PRKCQ: variants seen among roughly 807,000 people sequenced by gnomAD.
PRKCQ encodes protein kinase C theta type.
A neutral mutation model predicts 91.2 loss-of-function variants in PRKCQ; 41 were observed. The ratio of observed to expected loss-of-function variants is 0.45; its 90% CI spans 0.35 to 0.58. The LOEUF is 0.58. Among genes scored for constraint, PRKCQ ranks in the 20% least tolerant of loss-of-function variants. PRKCQ has a pLI of 0.00. For synonymous variants in PRKCQ, 307 were observed against 316.9 expected (o/e 0.97, Z 0.33); for missense variants, 673 against 896.5 (o/e 0.75, Z 3.18).
intron 1 of PRKCQ, among the ~76,000 whole-genome samples, chr10:6,572,164 G>C (rs1390967482): frequency 6.6e-6 from 1 of 152,152 alleles, no homozygotes; most frequent in Non-Finnish European, 1.5e-5. Context: ...GAGCTCATCT[G>C]ATTCTATGAC....
At chr10:6,533,444 G>A (rs1299648477) in intron 1 of PRKCQ, among the ~76,000 whole-genome samples, 6 of 152,160 alleles carry the variant, frequency 3.9e-5, no homozygotes, top group African/African-American at 1.4e-4. Flanking sequence ...TGATCCACCC[G>A]CCTCAGCCTC....
rs142671728 is a variant in PRKCQ, at chr10:6,519,819, A to C, written c.-9-4675T>G. On this transcript the variant is annotated intron_variant, in intron 1 of 17. Transcript: ENST00000263125. The stretch of plus-strand genomic sequence containing the variant: ...TAACTCCCCTCATAAATATGTATAG[A>C]TTTTTCCCCAAAGCTTTCTGAATAT... Among the ~76,000 whole-genome samples the C allele has an allele frequency of 3.3e-5, 5 of 152,194 alleles. No homozygotes were observed. In the East Asian group the frequency reaches 9.6e-4, roughly 29 times the overall value.
At chr10:6,415,405 CATATATATATATAT>C in the PRKCQ span, among the ~76,000 whole-genome samples, 1,800 of 104,744 alleles carry the variant, frequency 0.017, 29 homozygotes, top group Admixed American at 0.022. Context: ...CAAGAAAATA[CATATATATATATAT>C]ATATATATAT....
chr10:6,500,720 T>C (rs1837860284), intron 4 of PRKCQ, among the ~76,000 whole-genome samples: 1 of 152,314 alleles, frequency 6.6e-6, no homozygotes. Context: ...TTTTCTTTTA[T>C]ACTAATGGAT....
intron 1 of PRKCQ, among the ~76,000 whole-genome samples, chr10:6,526,931 C>T (rs142342978): frequency 3.0e-4 from 46 of 152,254 alleles, no homozygotes; most frequent in Admixed American, 1.1e-3. Flanking sequence ...TCGGAGGGCA[C>T]CAGCAGAAGG....
At chr10:6,511,600 T>A (rs1838480720) in intron 2 of PRKCQ, among the ~76,000 whole-genome samples, 1 of 152,176 alleles carries the variant, frequency 6.6e-6, no homozygotes, top group Non-Finnish European at 1.5e-5. Context: ...GAAGTCCATC[T>A]CCATGACCAA....
At chr10:6,575,079 A>G (rs1841180056) in intron 1 of PRKCQ, among the ~76,000 whole-genome samples, 1 of 152,234 alleles carries the variant, frequency 6.6e-6, no homozygotes. Context: ...GTTTCATGCT[A>G]GAGGAAAAAA....
rs541731447 is a variant in PRKCQ, at chr10:6,575,209, C to T, written c.-10+5002G>A. ...TCATTATAATTTCCTATTTGCCTGACCACATCTCCCTGTGGGTTTTGCAGC... is the reference window on the plus strand; with the variant it reads ...TCATTATAATTTCCTATTTGCCTGATCACATCTCCCTGTGGGTTTTGCAGC... On this transcript the variant is annotated intron_variant, in intron 1 of 17. Transcript: ENST00000263125. Among the ~76,000 whole-genome samples the T allele has an allele frequency of 1.4e-4, 21 of 152,314 alleles. No homozygotes were observed. The South Asian group carries it at 4.1e-3, about 30-fold the overall frequency.
intron 4 of PRKCQ, among the ~76,000 whole-genome samples, chr10:6,502,772 A>G (rs947286956): frequency 6.6e-6 from 1 of 152,244 alleles, no homozygotes; most frequent in African/African-American, 2.4e-5. Flanking sequence ...AAAGAAAAGG[A>G]GGCTATAAAA....
intron 7 of PRKCQ, among the ~76,000 whole-genome samples, chr10:6,495,300 G>T (rs1168011527): frequency 6.6e-6 from 1 of 152,200 alleles, no homozygotes; most frequent in East Asian, 1.9e-4. Flanking sequence ...CCCAGGCCTT[G>T]GTGCCTTCCC....
At chr10:6,404,603 CTT>C in the PRKCQ span, among the ~76,000 whole-genome samples, 4 of 136,594 alleles carry the variant, frequency 2.9e-5, no homozygotes, top group South Asian at 2.4e-4. Context: ...TTCTCTCTCT[CTT>C]TCTCTCTTTC....
At position 6,430,691 on chromosome 10, in the gene PRKCQ, G is replaced by C. The variant is rs961540177; in HGVS notation, c.1965+119C>G. On this transcript the variant is annotated intron_variant, in intron 17 of 17. Transcript: ENST00000263125. This position sits in a 1 kb window ranked among gnomAD's most constrained non-coding sequence, Gnocchi z 4.7. Reference sequence around the variant, plus strand: ...AGACGTGCATTCCTCCTGGAGAGTGGGGCTGGTGGGGAGTTGGGGCACCGG... The same window carrying C: ...AGACGTGCATTCCTCCTGGAGAGTGCGGCTGGTGGGGAGTTGGGGCACCGG... The C allele has an allele frequency of 4.7e-5, 66 of 1,392,158 alleles. No homozygotes were observed. Among genetic ancestry groups the C allele is most frequent in the Non-Finnish European group, 5.2e-5 (53 of 1,016,272 alleles). 86.2% of individuals were successfully genotyped at this position (1,392,158 alleles called of 1,614,324 possible).
the PRKCQ span, among the ~76,000 whole-genome samples, chr10:6,403,202 C>T: frequency 6.4e-3 from 975 of 152,314 alleles, 11 homozygotes; most frequent in Middle Eastern, 0.024. Context: ...ACCTAGTTTC[C>T]GGCAATGTGC....
chr10:6,503,342 T>C (rs1838019849), intron 4 of PRKCQ, among the ~76,000 whole-genome samples: 1 of 152,202 alleles, frequency 6.6e-6, no homozygotes, highest in African/African-American at 2.4e-5. Context: ...TGAAGGTTGG[T>C]TACTGAATGG....
At chr10:6,499,113 T>C (rs1000670965) in intron 4 of PRKCQ, among the ~76,000 whole-genome samples, 1 of 152,142 alleles carries the variant, frequency 6.6e-6, no homozygotes, top group Non-Finnish European at 1.5e-5. Context: ...CTTTGGGACA[T>C]TGTGTCCTGG....
At chr10:6,457,159 A>G (rs990654645) in intron 14 of PRKCQ, among the ~76,000 whole-genome samples, 10 of 152,226 alleles carry the variant, frequency 6.6e-5, no homozygotes, top group Non-Finnish European at 1.3e-4. Flanking sequence ...CATTTTCTAC[A>G]TATTTGTGAA....
chr10:6,505,265 T>C (rs1838130159), intron 4 of PRKCQ, among the ~76,000 whole-genome samples: 1 of 152,234 alleles, frequency 6.6e-6, no homozygotes, highest in African/African-American at 2.4e-5. Flanking sequence ...TTTGCCCGAT[T>C]GAATTTGCTC....
intron 1 of PRKCQ, among the ~76,000 whole-genome samples, chr10:6,579,162 C>G (rs544245513): frequency 6.6e-6 from 1 of 152,194 alleles, no homozygotes; most frequent in African/African-American, 2.4e-5. Context: ...GTAGGTGGTT[C>G]TTAAAAGAAT....
downstream of PRKCQ, among the ~76,000 whole-genome samples, chr10:6,423,535 C>T (rs1833053172): frequency 6.6e-6 from 1 of 152,168 alleles, no homozygotes; most frequent in African/African-American, 2.4e-5. Context: ...AGAGGAATAA[C>T]ACAGGACTGA....
Sources: allele counts gnomAD v4.1 joint callset (sites outside exome capture counted in the v4.1 genomes callset), GRCh38; gene constraint gnomAD v4.1.1; non-coding constraint Gnocchi (gnomAD v3.1); transcripts MANE v1.5; gene names NCBI Gene and HGNC (gene_info 2026-07-23, HGNC 2026-07-21).